Variants in NCOA3 observed in about 807,000 individuals in gnomAD.
NCOA3 encodes nuclear receptor coactivator 3.
NCOA3 carries 51 observed loss-of-function variants against 158.8 expected under a neutral mutation model. The observed-to-expected ratio is 0.32, with a 90% CI of 0.26 to 0.41. The LOEUF (loss-of-function observed/expected upper bound fraction) is 0.41. Ranked by LOEUF, NCOA3 falls within the 10% of genes least tolerant of loss-of-function variation. The probability of loss-of-function intolerance (pLI) is 1.00; values close to 1 mark genes in which losing one functional copy is unlikely to be tolerated. For missense variants in NCOA3, 1,510 were observed against 1,746.6 expected (o/e 0.86, Z 2.41); for synonymous variants, 537 against 592.4 (o/e 0.91, Z 1.36).
At chr20:47,625,028 C>T (rs2086300157) in intron 4 of NCOA3, among the ~76,000 whole-genome samples, 1 of 152,218 alleles carries the variant, frequency 6.6e-6, no homozygotes, top group Non-Finnish European at 1.5e-5. Context: ...CCGCCTCAGC[C>T]TCCCAGAGTG....
chr20:47,517,082 G>T (rs1189912885), intron 1 of NCOA3, among the ~76,000 whole-genome samples: 3 of 152,148 alleles, frequency 2.0e-5, no homozygotes, highest in Non-Finnish European at 1.5e-5. Context: ...GCCAGTCGTG[G>T]TGGCACATGC....
chr20:47,604,947 A>G (rs1393377570), intron 2 of NCOA3, among the ~76,000 whole-genome samples: 1 of 151,812 alleles, frequency 6.6e-6, no homozygotes, highest in Non-Finnish European at 1.5e-5. Flanking sequence ...GCTCACTGCA[A>G]CCTTCACCTC....
intron 2 of NCOA3, among the ~76,000 whole-genome samples, chr20:47,612,662 A>C (rs1186334476): frequency 6.6e-6 from 1 of 152,246 alleles, no homozygotes; most frequent in Non-Finnish European, 1.5e-5. Flanking sequence ...AACTGAAGCC[A>C]AATTCAGGTT....
intron 2 of NCOA3, among the ~76,000 whole-genome samples, chr20:47,591,207 A>G (rs139776889): frequency 7.2e-5 from 11 of 152,254 alleles, no homozygotes; most frequent in African/African-American, 2.7e-4. Flanking sequence ...AGTCCTATGC[A>G]GTTAATTCTG....
rs2085392541 is a variant in NCOA3, at chr20:47,577,649, G to T, written c.-98-5534G>T. 2.0e-5 allele frequency among the ~76,000 whole-genome samples: 3 copies of T among 152,190 alleles called. No homozygotes were observed. The South Asian group carries it at 6.2e-4, about 32-fold the overall frequency. ...CCCTTTTCCTAATTAATTGATGGCA[G>T]CAACTGTGATTTGCTTATTTCCAAG... is the stretch of plus-strand genomic sequence containing the variant. On this transcript the variant is annotated intron_variant, in intron 1 of 22. Transcript: ENST00000371998.
At chr20:47,567,022 ATGTATG>A (rs1568688153) in intron 1 of NCOA3, among the ~76,000 whole-genome samples, 13 of 140,636 alleles carry the variant, frequency 9.2e-5, no homozygotes, top group South Asian at 9.2e-4. Context: ...CTATGTATGT[ATGTATG>A]TATGTATGTA....
chr20:47,626,536 T>TA (rs1292478206), intron 5 of NCOA3, among the ~76,000 whole-genome samples: 1 of 148,950 alleles, frequency 6.7e-6, no homozygotes, highest in Non-Finnish European at 1.5e-5. Flanking sequence ...GTAATGGTGC[T>TA]AATGTTAGTA....
intron 1 of NCOA3, among the ~76,000 whole-genome samples, chr20:47,522,709 A>G (rs2084363277): frequency 1.3e-5 from 2 of 151,864 alleles, no homozygotes; most frequent in Admixed American, 6.6e-5. Flanking sequence ...ATGATGTTCT[A>G]CACACGTGGG....
intron 1 of NCOA3, among the ~76,000 whole-genome samples, chr20:47,581,944 C>T (rs2085460472): frequency 2.6e-5 from 4 of 152,064 alleles, no homozygotes; most frequent in Non-Finnish European, 5.9e-5. Flanking sequence ...TGGCTTTATC[C>T]ATCCCTCCCT....
At chr20:47,637,058 G>T (rs1312433880) in intron 12 of NCOA3, among the ~76,000 whole-genome samples, 1 of 148,068 alleles carries the variant, frequency 6.8e-6, no homozygotes, top group Non-Finnish European at 1.5e-5. Flanking sequence ...AAGTAATCAG[G>T]AAAAAAAAAA....
At chr20:47,651,867 T>C (rs2076550) in intron 20 of NCOA3, among the ~76,000 whole-genome samples, 23,329 of 151,142 alleles carry the variant, frequency 0.15, 2,993 homozygotes, top group African/African-American at 0.35. Flanking sequence ...GGGGTTTCAC[T>C]GTGTTAGCCA....
At chr20:47,541,515 A>G (rs529438993) in intron 1 of NCOA3, among the ~76,000 whole-genome samples, 26 of 136,524 alleles carry the variant, frequency 1.9e-4, no homozygotes, top group Non-Finnish European at 3.6e-4. Flanking sequence ...AGTAGTTGGG[A>G]CCACAGGTGT....
chr20:47,650,860 T>TAA (rs202165867), intron 19 of NCOA3, 122 bp from the exon 20 acceptor site: 153 of 880,442 alleles, frequency 1.7e-4, no homozygotes, highest in Middle Eastern at 6.4e-4. Flanking sequence ...GAGACCCTGT[T>TAA]AAAAAAAAGA....
At chr20:47,536,700 A>G (rs746913790) in intron 1 of NCOA3, among the ~76,000 whole-genome samples, 15 of 152,022 alleles carry the variant, frequency 9.9e-5, no homozygotes, top group Non-Finnish European at 1.5e-4. Flanking sequence ...TTTGTTGCCC[A>G]GGCTGATCCC....
intron 18 of NCOA3, 150 bp from the exon 19 acceptor site, chr20:47,648,855 G>T (rs768294180): frequency 1.2e-5 from 7 of 574,278 alleles, no homozygotes; most frequent in Non-Finnish European, 2.2e-5. Context: ...CCTTTTTGCA[G>T]TGTGAAAGTA....
chr20:47,621,371 G>A (rs72645235), intron 2 of NCOA3, among the ~76,000 whole-genome samples: 1 of 151,924 alleles, frequency 6.6e-6, no homozygotes, highest in Non-Finnish European at 1.5e-5. Flanking sequence ...CCACCTAGTG[G>A]AAATTTATGT....
intron 19 of NCOA3, among the ~76,000 whole-genome samples, chr20:47,649,996 A>G (rs2086756257): frequency 6.6e-6 from 1 of 151,878 alleles, no homozygotes; most frequent in Non-Finnish European, 1.5e-5. Context: ...TTATCTGAGT[A>G]TAACCCCATC....
intron 1 of NCOA3, among the ~76,000 whole-genome samples, chr20:47,511,550 T>TATATATATATATATATATATATAC: frequency 3.4e-4 from 18 of 52,262 alleles, no homozygotes; most frequent in Admixed American, 9.6e-4. Context: ...TATATATATA[T>TATATATATATATATATATATATAC]ATATATTTCT....
intron 1 of NCOA3, among the ~76,000 whole-genome samples, chr20:47,531,503 C>T (rs2084546947): frequency 6.6e-6 from 1 of 152,166 alleles, no homozygotes; most frequent in South Asian, 2.1e-4. Context: ...ACATCACTGA[C>T]ATTTTGGAAG....
Sources: gnomAD v4.1 joint callset for allele counts (sites outside exome capture counted in the v4.1 genomes callset) on GRCh38, gnomAD v4.1.1 for gene constraint, MANE v1.5 for transcripts, NCBI Gene and HGNC (gene_info 2026-07-23, HGNC 2026-07-21) for gene names.